The following EPHX1 variants were observed in gnomAD, a reference collection of about 807,000 sequenced individuals.
EPHX1 encodes the protein epoxide hydratase.
A neutral mutation model predicts 43.2 loss-of-function variants in EPHX1; 40 were observed. The observed-to-expected ratio is 0.93, with a 90% CI of 0.72 to 1.21. EPHX1 has a LOEUF of 1.21. EPHX1 is among the 50% of genes most tolerant of loss of function. The probability of loss-of-function intolerance (pLI) is 0.00; values close to 1 mark genes in which losing one functional copy is unlikely to be tolerated. For missense variants in EPHX1, 550 were observed against 570.4 expected (o/e 0.96, Z 0.36); for synonymous variants, 221 against 226.7 (o/e 0.98, Z 0.22).
intron 1 of EPHX1, among the ~76,000 whole-genome samples, chr1:225,814,232 G>A (rs1183408252): frequency 2.0e-5 from 3 of 152,052 alleles, no homozygotes; most frequent in Admixed American, 6.6e-5. Flanking sequence ...GTGAGACCTC[G>A]TCTCTATAAA....
intron 1 of EPHX1, among the ~76,000 whole-genome samples, chr1:225,827,480 C>G (rs1667303331): frequency 6.6e-6 from 1 of 152,154 alleles, no homozygotes; most frequent in Admixed American, 6.5e-5. Context: ...TGGTATCTGC[C>G]TGATAGTGCT....
rs758274856 is a variant in EPHX1 at position 225,842,471 on chromosome 1, A to G, written c.1037A>G (p.Glu346Gly). The G allele has an allele frequency of 6.8e-6, 11 of 1,609,742 alleles. No individual in the cohort carries two copies. The highest frequency in any genetic ancestry group is 2.7e-5 in the African/African-American group (2 of 74,986). Reference protein sequence around the residue: ...EFRYLEDGGLERKFSLDDLLT... With the variant: ...EFRYLEDGGLGRKFSLDDLLT... The stretch of plus-strand genomic sequence containing the variant: ...CGATACCTGGAGGATGGAGGCCTGG[A>G]AAGGTGAGGCCCTGGTTTGCCCCTG... Residue 346 changes from glutamate (E) to glycine (G), a missense_variant, in exon 7 of 9, where the codon GAA becomes GGA. Transcript: ENST00000272167.
chr1:225,843,349 G>T (rs924602188), intron 7 of EPHX1, among the ~76,000 whole-genome samples: 1 of 152,182 alleles, frequency 6.6e-6, no homozygotes. Context: ...CAAGGAAAGG[G>T]TGCTTGGAAA....
chr1:225,832,022 T>G (rs1576010236), intron 3 of EPHX1, 63 bp downstream of exon 3: 1 of 1,544,800 alleles, frequency 6.5e-7, no homozygotes, highest in East Asian at 2.2e-5. Context: ...TCTTCCACAA[T>G]GTGACTTACA....
intron 6 of EPHX1, among the ~76,000 whole-genome samples, chr1:225,840,564 C>A (rs1668314055): frequency 6.6e-6 from 1 of 152,188 alleles, no homozygotes; most frequent in Non-Finnish European, 1.5e-5. Flanking sequence ...AATAAGAACA[C>A]TGAAATTAAT....
chr1:225,845,009 T>C (rs1407627791), intron 8 of EPHX1, 137 bp from the exon 9 acceptor site: 1 of 979,680 alleles, frequency 1.0e-6, no homozygotes, highest in Non-Finnish European at 1.6e-6. Context: ...GTTGAGACCC[T>C]GGATTTGTCC....
chr1:225,840,215 T>C (rs1044094020), intron 6 of EPHX1, among the ~76,000 whole-genome samples, 178 bp downstream of exon 6: 15 of 152,230 alleles, frequency 9.9e-5, no homozygotes, highest in African/African-American at 2.7e-4. Flanking sequence ...GGATGGACCC[T>C]CAGCAGATTC....
At position 225,842,469 on chromosome 1, in the gene EPHX1, G is replaced by A; in HGVS notation, c.1035G>A (p.Leu345=). ...TCCGATACCTGGAGGATGGAGGCCT[G>A]GAAAGGTGAGGCCCTGGTTTGCCCC... The part of the protein sequence containing the change: ...TEFRYLEDGG[L]ERKFSLDDLL... Residue 345 remains leucine (L), a synonymous_variant, in exon 7 of 9, where the codon CTG becomes CTA. Coordinates refer to ENST00000272167, the MANE Select transcript of EPHX1 (RefSeq NM_001136018.4). 6.2e-7 allele frequency: 1 copy of A among 1,609,750 alleles called. No individual in the cohort carries two copies. The highest frequency in any genetic ancestry group is 8.5e-7 in the Non-Finnish European group (1 of 1,175,914).
Position 225,845,449 on chromosome 1 carries a change from C to G in EPHX1, c.*102C>G. The G allele has an allele frequency of 7.0e-6, 9 of 1,287,588 alleles. No individual in the cohort carries two copies. The highest frequency in any genetic ancestry group is 9.6e-6 in the Non-Finnish European group (9 of 933,142). 79.8% of individuals were successfully genotyped at this position (1,287,588 alleles called of 1,614,324 possible). ...CTGAGGAATGAGTTTGCCTCCGTCC[C>G]CTGCCCATGCTGGGAGCCCACGCTC... On this transcript the variant is annotated 3_prime_UTR_variant, in exon 9 of 9. Transcript: ENST00000272167.
At chr1:225,844,155 T>C (rs916290395) in intron 7 of EPHX1, among the ~76,000 whole-genome samples, 2 of 152,168 alleles carry the variant, frequency 1.3e-5, no homozygotes, top group Middle Eastern at 3.4e-3. Context: ...CTGCCTGGTA[T>C]GTGGTCACCA....
rs1345292959 is a variant in EPHX1, at chr1:225,838,773, C to A, written c.484C>A (p.Pro162Thr). The A allele has an allele frequency of 4.3e-6, 7 of 1,614,098 alleles. No homozygotes were observed. Among genetic ancestry groups the A allele is most frequent in the Middle Eastern group, 1.6e-4 (1 of 6,084 alleles). ...TTTCTACGAGTTTTATAAGATCATCCCACTCCTGACTGACCCCAAGAACCA... is the reference window on the plus strand; with the variant it reads ...TTTCTACGAGTTTTATAAGATCATCACACTCCTGACTGACCCCAAGAACCA... ...GSFYEFYKIIPLLTDPKNHGL... is the reference protein window; with the variant it reads ...GSFYEFYKIITLLTDPKNHGL... The change falls in exon 4 of 9, where the codon CCA (proline) becomes ACA (threonine). Residue 162 changes from proline (P) to threonine (T), a missense_variant. Transcript: ENST00000272167.
intron 1 of EPHX1, among the ~76,000 whole-genome samples, chr1:225,827,131 A>C (rs1212331254): frequency 3.9e-5 from 6 of 152,088 alleles, no homozygotes; most frequent in Non-Finnish European, 8.8e-5. Context: ...ACAGGAGCAA[A>C]CTCCAGGGCC....
chr1:225,817,537 G>A lies in EPHX1; in HGVS notation c.-6+7368G>A, dbSNP rs1470799415. On this transcript the variant is annotated intron_variant, in intron 1 of 8. Transcript: ENST00000272167. This position sits in a 1 kb window ranked among gnomAD's most constrained non-coding sequence, Gnocchi z 5.7. ...TGGGGGCAGGCTTGGGACCAGGCCT[G>A]CAGAAGCAGCAGACCCTCCAAGCCC... Among the ~76,000 whole-genome samples the A allele has an allele frequency of 6.6e-6, 1 of 152,186 alleles. No individual in the cohort carries two copies. Among genetic ancestry groups the A allele is most frequent in the African/African-American group, 2.4e-5 (1 of 41,454 alleles).
intron 1 of EPHX1, among the ~76,000 whole-genome samples, chr1:225,813,557 T>A (rs1446236934): frequency 6.6e-6 from 1 of 152,226 alleles, no homozygotes; most frequent in Non-Finnish European, 1.5e-5. Flanking sequence ...TCCTCCGTTA[T>A]ATAACTGAGC....
At chr1:225,811,713 T>A (rs1446913996) in intron 1 of EPHX1, among the ~76,000 whole-genome samples, 1 of 152,182 alleles carries the variant, frequency 6.6e-6, no homozygotes, top group Non-Finnish European at 1.5e-5. Flanking sequence ...GGCCTTTCAC[T>A]GGCCCCACTT....
chr1:225,839,366 G>GGTAT lies in EPHX1; in HGVS notation c.722+22_722+23insATGT. 6.4e-7 allele frequency: 1 copy of GGTAT among 1,559,614 alleles called. No homozygotes were observed. Among genetic ancestry groups the GGTAT allele is most frequent in the Non-Finnish European group, 8.7e-7 (1 of 1,153,446 alleles). On this transcript the variant is annotated intron_variant, in intron 5 of 8. Transcript: ENST00000272167. ...GCCCAGGTGAGGTCACTGTTGGGGTGGTGTGTGTGTGTGTGTGTGTGTGTG... is the reference window on the plus strand; with the variant it reads ...GCCCAGGTGAGGTCACTGTTGGGGTGGTATGTGTGTGTGTGTGTGTGTGTGTGTG...
Position 225,839,300 on chromosome 1 carries a change from G to T in EPHX1, c.676G>T (p.Asp226Tyr), listed in dbSNP as rs774753544. Reference sequence around the variant, plus strand: ...CCAGGAATTCTACATTCAAGGAGGGGACTGGGGGTCCCTGATCTGCACTAA... The same window carrying T: ...CCAGGAATTCTACATTCAAGGAGGGTACTGGGGGTCCCTGATCTGCACTAA... Reference protein sequence around the residue: ...GFQEFYIQGGDWGSLICTNMA... With the variant: ...GFQEFYIQGGYWGSLICTNMA... The change falls in exon 5 of 9, where the codon GAC (aspartate) becomes TAC (tyrosine). Residue 226 changes from aspartate (D) to tyrosine (Y), a missense_variant. Physicochemically the swap from Asp to Tyr is radical, Grantham distance 160 (BLOSUM62 -3). Coordinates refer to ENST00000272167, the MANE Select transcript of EPHX1 (RefSeq NM_001136018.4). 2 of 1,614,118 alleles carry T rather than the reference G, an allele frequency of 1.2e-6. No homozygotes were observed. Among genetic ancestry groups the T allele is most frequent in the Admixed American group, 1.7e-5 (1 of 60,018 alleles).
At chr1:225,822,239 A>G (rs1443848771) in intron 1 of EPHX1, among the ~76,000 whole-genome samples, 8 of 152,204 alleles carry the variant, frequency 5.3e-5, no homozygotes, top group Non-Finnish European at 1.2e-4. Flanking sequence ...ACGTTTTTAA[A>G]AAAAATCATG....
chr1:225,838,543 C>T lies in EPHX1; in HGVS notation c.365-111C>T, dbSNP rs377073101. ...TACTGTCAATACCATGAAGGGGCGGCGGGGGCACTAAGGGTGGCAGGACTC... is the reference window on the plus strand; with the variant it reads ...TACTGTCAATACCATGAAGGGGCGGTGGGGGCACTAAGGGTGGCAGGACTC... On this transcript the variant is annotated intron_variant, in intron 3 of 8. Transcript: ENST00000272167. 38 of 871,548 alleles carry T rather than the reference C, an allele frequency of 4.4e-5. No individual in the cohort carries two copies. In the African/African-American group the frequency reaches 5.0e-4, roughly 11 times the overall value. The allele number at this position is 871,548 out of a possible 1,614,324, so 54.0% of individuals were successfully genotyped here. A position where few individuals can be genotyped will look rare whatever the true frequency, so the allele number is the denominator to read the frequency against.
Sources: allele counts gnomAD v4.1 joint callset (sites outside exome capture counted in the v4.1 genomes callset), GRCh38; gene constraint gnomAD v4.1.1; non-coding constraint Gnocchi (gnomAD v3.1); transcripts MANE v1.5; gene names NCBI Gene and HGNC (gene_info 2026-07-23, HGNC 2026-07-21).